The following DIAPH3 variants were observed in gnomAD, a reference collection of about 807,000 sequenced individuals.
DIAPH3 encodes the protein diaphanous related formin 3.
In DIAPH3, 117 loss-of-function variants were observed where a neutral mutation model predicts 144.3. The ratio of observed to expected loss-of-function variants is 0.81; its 90% CI spans 0.70 to 0.95. DIAPH3 has a LOEUF of 0.95. DIAPH3 is among the 40% of genes least tolerant of loss of function. The pLI is 0.00. For missense variants in DIAPH3, 1,421 were observed against 1,412.7 expected (o/e 1.01, Z -0.09); for synonymous variants, 519 against 488.9 (o/e 1.06, Z -0.81).
At chr13:59,895,871 CAG>C (rs2046064934) in intron 20 of DIAPH3, among the ~76,000 whole-genome samples, 2 of 152,166 alleles carry the variant, frequency 1.3e-5, no homozygotes, top group African/African-American at 4.8e-5. Flanking sequence ...TAAGGATGGA[CAG>C]GGGAATCCTC....
chr13:59,899,482 T>C (rs1287234748), intron 20 of DIAPH3, among the ~76,000 whole-genome samples: 1 of 152,170 alleles, frequency 6.6e-6, no homozygotes, highest in African/African-American at 2.4e-5. Context: ...AGTGAGAAAT[T>C]CTCAAGAATG....
intron 2 of DIAPH3, among the ~76,000 whole-genome samples, chr13:60,127,661 T>G (rs1280401844): frequency 6.6e-6 from 1 of 152,174 alleles, no homozygotes; most frequent in African/African-American, 2.4e-5. Context: ...TGACTCCATT[T>G]ATATGAAATT....
At chr13:59,884,125 G>GT (rs1354101027) in intron 20 of DIAPH3, among the ~76,000 whole-genome samples, 1 of 152,106 alleles carries the variant, frequency 6.6e-6, no homozygotes, top group Non-Finnish European at 1.5e-5. Flanking sequence ...TGTGAGATCA[G>GT]TAGTGACATT....
intron 27 of DIAPH3, among the ~76,000 whole-genome samples, chr13:59,726,455 T>C (rs1421830059): frequency 1.3e-5 from 2 of 152,206 alleles, no homozygotes; most frequent in Non-Finnish European, 2.9e-5. Flanking sequence ...TGCCTGCTCT[T>C]ATCTGACTTT....
At chr13:60,095,801 C>A (rs1314513891) in intron 3 of DIAPH3, among the ~76,000 whole-genome samples, 4 of 152,072 alleles carry the variant, frequency 2.6e-5, no homozygotes, top group African/African-American at 9.7e-5. Flanking sequence ...TCAAACTATT[C>A]TGTAAATTAT....
intron 27 of DIAPH3, among the ~76,000 whole-genome samples, chr13:59,723,420 C>T (rs937966544): frequency 2.6e-5 from 4 of 152,060 alleles, no homozygotes; most frequent in African/African-American, 9.6e-5. Flanking sequence ...GATGTTATAC[C>T]CCTGGCTAAT....
chr13:59,812,573 G>A (rs940859402), intron 24 of DIAPH3, among the ~76,000 whole-genome samples: 1 of 152,084 alleles, frequency 6.6e-6, no homozygotes, highest in Admixed American at 6.5e-5. Context: ...TTTACATTAG[G>A]TAGTTAGATA....
chr13:59,730,781 CA>C (rs1323935110), intron 27 of DIAPH3, among the ~76,000 whole-genome samples: 1 of 152,128 alleles, frequency 6.6e-6, no homozygotes, highest in African/African-American at 2.4e-5. Flanking sequence ...AAAGCAGAGA[CA>C]GTATTACTGT....
chr13:59,753,301 T>C (rs1047625935), intron 27 of DIAPH3, among the ~76,000 whole-genome samples: 1 of 152,248 alleles, frequency 6.6e-6, no homozygotes, highest in Non-Finnish European at 1.5e-5. Context: ...CACAGATATT[T>C]ATGTAATTCT....
intron 9 of DIAPH3, among the ~76,000 whole-genome samples, chr13:60,005,723 T>C (rs1479971899): frequency 1.3e-5 from 2 of 152,090 alleles, no homozygotes; most frequent in Non-Finnish European, 1.5e-5. Context: ...CCTCATGATC[T>C]GCCCGCCTTG....
chr13:59,848,071 T>G (rs562533373), intron 22 of DIAPH3, among the ~76,000 whole-genome samples: 1 of 152,154 alleles, frequency 6.6e-6, no homozygotes, highest in South Asian at 2.1e-4. Flanking sequence ...GCATTCGTTT[T>G]CCAAATACTT....
chr13:60,066,643 A>G (rs139551340), intron 4 of DIAPH3, among the ~76,000 whole-genome samples: 146 of 152,364 alleles, frequency 9.6e-4, no homozygotes, highest in African/African-American at 3.4e-3. Flanking sequence ...TTATTCATCA[A>G]TAACTTATTG....
chr13:60,106,380 T>C (rs961495021), intron 3 of DIAPH3, among the ~76,000 whole-genome samples: 2 of 151,914 alleles, frequency 1.3e-5, no homozygotes, highest in Admixed American at 6.6e-5. Context: ...TGGAAAAAAA[T>C]TGGATCCACA....
chr13:59,882,930 G>C (rs2045178069), intron 20 of DIAPH3, among the ~76,000 whole-genome samples: 1 of 152,106 alleles, frequency 6.6e-6, no homozygotes. Context: ...CCCACACACA[G>C]ATGTCATATG....
intron 23 of DIAPH3, among the ~76,000 whole-genome samples, chr13:59,833,552 AATAAT>A (rs1008966219): frequency 2.0e-4 from 30 of 151,972 alleles, no homozygotes; most frequent in African/African-American, 5.1e-4. Context: ...AACTTACTAT[AATAAT>A]ATAATATGCA....
chr13:59,764,455 C>T (rs976675772), intron 27 of DIAPH3, among the ~76,000 whole-genome samples: 5 of 151,316 alleles, frequency 3.3e-5, no homozygotes, highest in African/African-American at 1.2e-4. Context: ...GCCACTGGGG[C>T]CCTGTGGTGT....
intron 4 of DIAPH3, among the ~76,000 whole-genome samples, chr13:60,049,849 C>T (rs545942998): frequency 1.4e-4 from 22 of 152,254 alleles, no homozygotes; most frequent in Non-Finnish European, 1.9e-4. Flanking sequence ...GGGGAAATAG[C>T]TATTTAAGAG....
At chr13:59,756,550 G>GAGGA (rs2037287862) in intron 27 of DIAPH3, among the ~76,000 whole-genome samples, 3 of 138,982 alleles carry the variant, frequency 2.2e-5, no homozygotes, top group Non-Finnish European at 1.6e-5. Context: ...GGGAGGGAGG[G>GAGGA]AGGAAGGGAG....
chr13:60,099,789 T>C (rs1412854337), intron 3 of DIAPH3, among the ~76,000 whole-genome samples: 1 of 152,114 alleles, frequency 6.6e-6, no homozygotes, highest in Admixed American at 6.5e-5. Flanking sequence ...TAGGAACAGA[T>C]TTCAGAAGTA....
Sources: allele counts gnomAD v4.1 joint callset (sites outside exome capture counted in the v4.1 genomes callset), GRCh38; gene constraint gnomAD v4.1.1; transcripts MANE v1.5; gene names NCBI Gene and HGNC (gene_info 2026-07-23, HGNC 2026-07-21).